Variants in CFAP91 observed in about 807,000 individuals in gnomAD.
CFAP91 encodes the protein cilia- and flagella-associated protein 91.
CFAP91 carries 85 observed loss-of-function variants against 95.9 expected under a neutral mutation model. That is an observed-to-expected ratio of 0.89 (90% CI 0.74 to 1.06). The LOEUF (loss-of-function observed/expected upper bound fraction) is 1.06. CFAP91 is among the 50% of genes least tolerant of loss of function. The pLI, the probability that CFAP91 is intolerant of heterozygous loss-of-function variation, is 0.00. For missense variants in CFAP91, 962 were observed against 943.4 expected, an observed-to-expected ratio of 1.02 and a Z score of -0.26; for synonymous variants, 335 against 327.5, an observed-to-expected ratio of 1.02 and a Z score of -0.25.
chr3:119,706,783 A>G (rs1229070318), intron 1 of CFAP91, 26 bp from the exon 2 acceptor site: 4 of 1,557,078 alleles, frequency 2.6e-6, no homozygotes, highest in Non-Finnish European at 2.7e-6. Context: ...TCTATCTGTT[A>G]TGCTACTTGA....
At chr3:119,757,550 G>A (rs2054456823) in intron 17 of CFAP91, among the ~76,000 whole-genome samples, 1 of 152,120 alleles carries the variant, frequency 6.6e-6, no homozygotes, top group Non-Finnish European at 1.5e-5. Flanking sequence ...GGGAAGCTGA[G>A]GCAGGAGGAT....
intron 17 of CFAP91, among the ~76,000 whole-genome samples, chr3:119,761,213 A>G (rs1209994330): frequency 2.6e-5 from 4 of 151,786 alleles, no homozygotes; most frequent in African/African-American, 9.7e-5. Flanking sequence ...GAAATGCAAA[A>G]GATAAGACTA....
At chr3:119,747,638 A>AT (rs1183294877) in intron 15 of CFAP91, 173 bp from the exon 16 acceptor site, 5 of 630,816 alleles carry the variant, frequency 7.9e-6, no homozygotes, top group African/African-American at 7.4e-5. Context: ...TCAAATCCAA[A>AT]TTTTTTTGTG....
chr3:119,747,008 TAAATG>T, intron 14 of CFAP91, 102 bp from the exon 15 acceptor site: 1 of 834,788 alleles, frequency 1.2e-6, no homozygotes, highest in Non-Finnish European at 1.8e-6. Flanking sequence ...GTTGACTTAT[TAAATG>T]AAATATATGA....
At chr3:119,737,303 A>G in intron 10 of CFAP91, 63 bp from the exon 11 acceptor site, 1 of 996,966 alleles carries the variant, frequency 1.0e-6, no homozygotes, top group Non-Finnish European at 1.5e-6. Context: ...CTGCACTTTT[A>G]CCTCTTAAAT....
intron 17 of CFAP91, among the ~76,000 whole-genome samples, chr3:119,758,039 T>A (rs994460772): frequency 6.6e-6 from 1 of 152,194 alleles, no homozygotes; most frequent in Non-Finnish European, 1.5e-5. Context: ...TTTTTATATA[T>A]GTGTGTAGTT....
chr3:119,756,753 T>C (rs933589389), intron 17 of CFAP91, among the ~76,000 whole-genome samples: 1 of 152,058 alleles, frequency 6.6e-6, no homozygotes. Flanking sequence ...TCTGAAAGGA[T>C]AATAAAGAGA....
At chr3:119,706,614 T>C (rs2053368825) in intron 1 of CFAP91, 195 bp from the exon 2 acceptor site, 2 of 532,608 alleles carry the variant, frequency 3.8e-6, no homozygotes, top group Admixed American at 3.3e-5. Flanking sequence ...AAAAACATCT[T>C]GACAACTGTT....
intron 6 of CFAP91, among the ~76,000 whole-genome samples, chr3:119,721,839 C>T (rs185410142): frequency 1.3e-5 from 2 of 152,122 alleles, no homozygotes. Flanking sequence ...AAGAAGTCAA[C>T]ATACATCAGT....
chr3:119,738,330 G>GTTTTTTTTTTTTTTTTTTTTTTTTT (rs1559761130), intron 11 of CFAP91, among the ~76,000 whole-genome samples: 3 of 23,706 alleles, frequency 1.3e-4, no homozygotes, highest in Non-Finnish European at 2.4e-4. Context: ...TTGACATATT[G>GTTTTTTTTTTTTTTTTTTTTTTTTT]TCTTTTTTTT....
At chr3:119,716,315 C>A (rs1004325781) in intron 6 of CFAP91, among the ~76,000 whole-genome samples, 2 of 152,290 alleles carry the variant, frequency 1.3e-5, no homozygotes, top group Admixed American at 1.3e-4. Flanking sequence ...AGTGAGACTA[C>A]CTTTAGAAAT....
chr3:119,741,005 C>T (rs1349509577), intron 13 of CFAP91, among the ~76,000 whole-genome samples: 3 of 152,142 alleles, frequency 2.0e-5, no homozygotes, highest in African/African-American at 7.2e-5. Context: ...GCATGCACCA[C>T]CATGCTTGGC....
intron 16 of CFAP91, among the ~76,000 whole-genome samples, chr3:119,749,532 A>G (rs928988909): frequency 1.3e-5 from 2 of 151,926 alleles, no homozygotes; most frequent in African/African-American, 4.8e-5. Flanking sequence ...AAAAAAAAAA[A>G]GAAAATTTAC....
intron 5 of CFAP91, among the ~76,000 whole-genome samples, chr3:119,711,904 C>G (rs766847146): frequency 4.6e-5 from 7 of 152,252 alleles, no homozygotes; most frequent in Non-Finnish European, 1.0e-4. Context: ...CCTCTCTGTA[C>G]AGCTCTGTTG....
At chr3:119,743,215 G>T (rs570673889) in intron 13 of CFAP91, among the ~76,000 whole-genome samples, 15 of 150,826 alleles carry the variant, frequency 9.9e-5, no homozygotes, top group Non-Finnish European at 1.6e-4. Flanking sequence ...CCTCCTGGGC[G>T]CAGGCAATTC....
intron 17 of CFAP91, among the ~76,000 whole-genome samples, chr3:119,751,477 A>T (rs2054324575): frequency 1.3e-5 from 2 of 152,200 alleles, no homozygotes; most frequent in Non-Finnish European, 2.9e-5. Context: ...TAAGCATGGC[A>T]TGAGACACAG....
Position 119,750,925 on chromosome 3 carries a change from A to G in CFAP91, c.2144-12A>G, listed in dbSNP as rs766639109. On this transcript the variant is annotated splice_polypyrimidine_tract_variant and intron_variant, in intron 16 of 17. Transcript: ENST00000273390. ...CTTTCAGAATGAAAATTTTTCTATT[A>G]CTTTGGCACAGTGAGGAACGCACAG... 10 of 1,613,694 alleles carry G rather than the reference A, an allele frequency of 6.2e-6. No individual in the cohort carries two copies. In the South Asian group the frequency reaches 7.7e-5, roughly 12 times the overall value.
At chr3:119,732,222 T>C (rs550386584) in intron 8 of CFAP91, 72 bp from the exon 9 acceptor site, 1 of 1,190,258 alleles carries the variant, frequency 8.4e-7, no homozygotes, top group Admixed American at 2.4e-5. Flanking sequence ...ACACTAGCAT[T>C]GGCTTACTCT....
rs768578097 is a variant in CFAP91 at position 119,737,410 on chromosome 3, C to T, written c.1389C>T (p.Pro463=). 1.2e-6 allele frequency: 2 copies of T among 1,610,666 alleles called. No homozygotes were observed. The highest frequency in any genetic ancestry group is 1.7e-6 in the Non-Finnish European group (2 of 1,178,492). Residue 463 remains proline, a synonymous_variant, in exon 11 of 18, where the codon CCC becomes CCT. Transcript: ENST00000273390. ...KKNKVLEVKK[P]PRFLQRNPIP... is the part of the protein sequence containing the mutation. The stretch of plus-strand genomic sequence containing the variant: ...ATAAAGTTCTTGAAGTAAAGAAACC[C>T]CCTCGCTTCCTTCAAAGAAACCCAA...
Sources: gnomAD v4.1 joint callset for allele counts (sites outside exome capture counted in the v4.1 genomes callset) on GRCh38, gnomAD v4.1.1 for gene constraint, MANE v1.5 for transcripts, NCBI Gene and HGNC (gene_info 2026-07-23, HGNC 2026-07-21) for gene names.